Variants in SMARCC1 observed in about 807,000 individuals in gnomAD.
SMARCC1 encodes the protein SWI/SNF related BAF chromatin remodeling complex subunit C1, also known as SWI/SNF complex subunit SMARCC1.
Under a neutral mutation model 147.4 loss-of-function variants are expected in SMARCC1, and 43 were observed. That is an observed-to-expected ratio of 0.29 (90% CI 0.23 to 0.38). SMARCC1 has a LOEUF of 0.38. SMARCC1 is among the 10% of genes least tolerant of loss of function. The pLI, the probability that SMARCC1 is intolerant of heterozygous loss-of-function variation, is 1.00. For synonymous variants in SMARCC1, 495 were observed against 484.4 expected (o/e 1.02, Z -0.29); for missense variants, 1,119 against 1,381.1 (o/e 0.81, Z 3.01).
At chr3:47,590,599 C>A in intron 27 of SMARCC1, 62 bp downstream of exon 27, 2 of 1,378,372 alleles carry the variant, frequency 1.5e-6, no homozygotes, top group Non-Finnish European at 9.6e-7. Flanking sequence ...AGCCTCCTTC[C>A]CTTATCTACA....
intron 1 of SMARCC1, among the ~76,000 whole-genome samples, chr3:47,780,543 G>A (rs765384245): frequency 3.3e-5 from 5 of 152,082 alleles, no homozygotes; most frequent in Non-Finnish European, 7.4e-5. Flanking sequence ...GCTTCACTGA[G>A]CTGCTGAGGC....
intron 8 of SMARCC1, among the ~76,000 whole-genome samples, chr3:47,711,555 GAAAT>G (rs759064941): frequency 5.4e-4 from 82 of 152,156 alleles, no homozygotes; most frequent in Non-Finnish European, 7.8e-4. Context: ...AGTGTTGGTT[GAAAT>G]GAACATGTTC....
chr3:47,714,274 G>A (rs2034128394), intron 8 of SMARCC1, 141 bp downstream of exon 8: 1 of 616,216 alleles, frequency 1.6e-6, no homozygotes, highest in Admixed American at 3.2e-5. Context: ...TAACGCACGA[G>A]AATCACTTGA....
intron 24 of SMARCC1, among the ~76,000 whole-genome samples, chr3:47,623,013 A>G (rs1407329993): frequency 6.6e-6 from 1 of 152,130 alleles, no homozygotes; most frequent in East Asian, 1.9e-4. Context: ...ACTAGCTAGT[A>G]ATCAATCCCA....
At chr3:47,761,244 G>A (rs2034770138) in intron 2 of SMARCC1, among the ~76,000 whole-genome samples, 1 of 152,072 alleles carries the variant, frequency 6.6e-6, no homozygotes, top group African/African-American at 2.4e-5. Flanking sequence ...CAAGGCTGCA[G>A]TGAGCTATGA....
At chr3:47,618,827 C>G (rs533865130) in intron 25 of SMARCC1, among the ~76,000 whole-genome samples, 4 of 152,090 alleles carry the variant, frequency 2.6e-5, no homozygotes, top group African/African-American at 9.7e-5. Context: ...GAGGAAAGAG[C>G]TCCTTGCCAA....
At chr3:47,730,366 C>T (rs886749109) in intron 5 of SMARCC1, among the ~76,000 whole-genome samples, 1 of 152,016 alleles carries the variant, frequency 6.6e-6, no homozygotes, top group African/African-American at 2.4e-5. Context: ...CCTGTAGTCC[C>T]AGCTACTCAG....
At chr3:47,726,061 C>CAAAAAA (rs546659321) in intron 6 of SMARCC1, among the ~76,000 whole-genome samples, 6 of 50,780 alleles carry the variant, frequency 1.2e-4, no homozygotes, top group Non-Finnish European at 1.7e-4. Flanking sequence ...GACTCTGTCT[C>CAAAAAA]AAAAAAAAAA....
chr3:47,657,350 G>A (rs1415135250), intron 21 of SMARCC1, among the ~76,000 whole-genome samples: 2 of 152,054 alleles, frequency 1.3e-5, no homozygotes, highest in Admixed American at 6.6e-5. Flanking sequence ...TTAAAAATAC[G>A]GAAATCACAC....
At chr3:47,658,103 A>C (rs1223318972) in intron 21 of SMARCC1, among the ~76,000 whole-genome samples, 2 of 152,182 alleles carry the variant, frequency 1.3e-5, no homozygotes, top group African/African-American at 4.8e-5. Flanking sequence ...TGAAGAGACA[A>C]AATTGACAAG....
At chr3:47,628,106 T>C (rs1346717251) in intron 24 of SMARCC1, among the ~76,000 whole-genome samples, 1 of 152,148 alleles carries the variant, frequency 6.6e-6, no homozygotes, top group Non-Finnish European at 1.5e-5. Flanking sequence ...AAAGTTTTCA[T>C]CAAATTCGGA....
chr3:47,598,160 G>T (rs1179020284), intron 26 of SMARCC1, among the ~76,000 whole-genome samples: 1 of 151,998 alleles, frequency 6.6e-6, no homozygotes, highest in African/African-American at 2.4e-5. Flanking sequence ...ATTAATAAAA[G>T]CAATGCTTTG....
In SMARCC1 at chr3:47,780,180, T is replaced by TG. The variant is rs546653423; in HGVS notation, c.195+1422_195+1423insC. Reference sequence around the variant, plus strand: ...TTGGTTTTTTTTTGTTTTTTTTTTTTTTTTTTTTTTGGAGACAGTCTTACT... The same window carrying TG: ...TTGGTTTTTTTTTGTTTTTTTTTTTTGTTTTTTTTTTGGAGACAGTCTTACT... On this transcript the variant is annotated intron_variant, in intron 1 of 27. Coordinates refer to ENST00000254480, the MANE Select transcript of SMARCC1 (RefSeq NM_003074.4). Among the ~76,000 whole-genome samples the TG allele has an allele frequency of 3.0e-4, 43 of 141,644 alleles. 1 individual carries two copies. In the South Asian group the frequency reaches 5.7e-3, roughly 19 times the overall value. 92.9% of individuals were successfully genotyped at this position (141,644 alleles called of 152,430 possible).
chr3:47,700,113 T>C (rs2033898798), intron 11 of SMARCC1, among the ~76,000 whole-genome samples: 1 of 152,072 alleles, frequency 6.6e-6, no homozygotes, highest in Non-Finnish European at 1.5e-5. Flanking sequence ...AGAACTGTAA[T>C]TCATCTCCTA....
chr3:47,765,725 T>C (rs1482480811), intron 2 of SMARCC1, among the ~76,000 whole-genome samples: 1 of 152,076 alleles, frequency 6.6e-6, no homozygotes, highest in East Asian at 1.9e-4. Context: ...TTTCCTCCAG[T>C]TGCAAATTAA....
At chr3:47,664,075 C>G (rs541345662) in intron 19 of SMARCC1, 2 of 478,016 alleles carry the variant, frequency 4.2e-6, no homozygotes, top group East Asian at 6.7e-5. Flanking sequence ...CTTTGCGTAA[C>G]TGTAACTGAA....
rs374983484 is a variant in SMARCC1, at chr3:47,717,730, C to T, written c.716+2936G>A. ...TACAGGCACGTGTCATCATGACTGG[C>T]TAATTTTTGTATTTTTTGTAGAGAC... On this transcript the variant is annotated intron_variant, in intron 7 of 27. Coordinates refer to ENST00000254480, the MANE Select transcript of SMARCC1 (RefSeq NM_003074.4). Among the ~76,000 whole-genome samples the T allele has an allele frequency of 3.3e-5, 5 of 151,960 alleles. No individual in the cohort carries two copies. In the East Asian group the frequency reaches 5.8e-4, roughly 18 times the overall value.
At chr3:47,729,179 C>A in intron 5 of SMARCC1, 85 bp from the exon 6 acceptor site, 1 of 810,588 alleles carries the variant, frequency 1.2e-6, no homozygotes, top group South Asian at 1.7e-5. Context: ...CATACAAATT[C>A]TAAAAGCATG....
At chr3:47,591,803 C>A (rs568146100) in intron 26 of SMARCC1, among the ~76,000 whole-genome samples, 1 of 152,230 alleles carries the variant, frequency 6.6e-6, no homozygotes, top group Non-Finnish European at 1.5e-5. Context: ...CCTCAGCCTC[C>A]CAAAGTGCTG....
Sources: allele counts gnomAD v4.1 joint callset (sites outside exome capture counted in the v4.1 genomes callset), GRCh38; gene constraint gnomAD v4.1.1; transcripts MANE v1.5; gene names NCBI Gene and HGNC (gene_info 2026-07-23, HGNC 2026-07-21).